The following LRRC59 variants were observed in gnomAD, a reference collection of about 807,000 sequenced individuals.
LRRC59 encodes leucine-rich repeat-containing protein 59.
Under a neutral mutation model 33.5 loss-of-function variants are expected in LRRC59, and 18 were observed. That is an observed-to-expected ratio of 0.54 (90% confidence interval 0.37 to 0.80). The LOEUF (loss-of-function observed/expected upper bound fraction) is 0.80, where lower values mean the gene tolerates loss of function less well. LRRC59 is among the 30% of genes least tolerant of loss of function. LRRC59 has a pLI of 0.00. For missense variants in LRRC59, 330 were observed against 391.9 expected (o/e 0.84, Z 1.33); for synonymous variants, 138 against 160.0 (o/e 0.86, Z 1.04).
chr17:50,388,214 C>T, intron 4 of LRRC59, 82 bp from the exon 5 acceptor site: 1 of 1,283,062 alleles, frequency 7.8e-7, no homozygotes, highest in Non-Finnish European at 1.1e-6. Flanking sequence ...TATTTTCAGG[C>T]TTCCAGATTA....
At chr17:50,389,379 G>A (rs1019362220) in intron 4 of LRRC59, among the ~76,000 whole-genome samples, 7 of 152,088 alleles carry the variant, frequency 4.6e-5, no homozygotes, top group East Asian at 1.9e-4. Flanking sequence ...GGAGCCCAAC[G>A]CAATCCTGAC....
chr17:50,392,935 A>C (rs762252759), intron 2 of LRRC59, 38 bp from the exon 3 acceptor site: 116 of 1,590,106 alleles, frequency 7.3e-5, no homozygotes, highest in Non-Finnish European at 9.6e-5. Flanking sequence ...AGGCTTGTCC[A>C]ACACACGAGC....
chr17:50,392,755 C>A lies in LRRC59; in HGVS notation c.308G>T (p.Ser103Ile). The change falls in exon 3 of 7, where the codon AGC becomes ATC. Residue 103 changes from serine to isoleucine, a missense_variant. Coordinates refer to ENST00000225972, the MANE Select transcript of LRRC59 (RefSeq NM_018509.4). ...AATTGTTACCTTGAGCTGAGCAAAG[C>A]TGACAGGCAAGGTGACCAGCTTGTT... ...LNNKLVTLPV[S>I]FAQLKNLKWL... 1 of 1,614,164 alleles carries A rather than the reference C, an allele frequency of 6.2e-7. No homozygotes were observed. The highest frequency in any genetic ancestry group is 8.5e-7 in the Non-Finnish European group (1 of 1,180,010).
At chr17:50,393,152 G>A (rs958644844) in intron 2 of LRRC59, among the ~76,000 whole-genome samples, 3 of 152,262 alleles carry the variant, frequency 2.0e-5, no homozygotes, top group African/African-American at 7.2e-5. Context: ...CAGTCTGGAA[G>A]CCCTCAAGTC....
chr17:50,390,764 AGAC>A (rs1477965911), intron 4 of LRRC59, among the ~76,000 whole-genome samples: 2 of 152,238 alleles, frequency 1.3e-5, no homozygotes, highest in Non-Finnish European at 2.9e-5. Context: ...TCCTGCAGAC[AGAC>A]GACCTGATTC....
At chr17:50,394,815 G>A in intron 2 of LRRC59, 114 bp downstream of exon 2, 1 of 743,362 alleles carries the variant, frequency 1.3e-6, no homozygotes, top group South Asian at 1.8e-5. Context: ...CTGCCTGTAG[G>A]CCTATCCTGA....
chr17:50,396,427 T>C (rs1264925415), intron 1 of LRRC59: 2 of 152,158 alleles, frequency 1.3e-5, no homozygotes, highest in Non-Finnish European at 2.9e-5. Flanking sequence ...CCGTCCACGG[T>C]GGAAGAAAGA....
Position 50,388,053 on chromosome 17 carries a change from C to G in LRRC59, c.502+7G>C, listed in dbSNP as rs369640916. 13 of 1,614,144 alleles carry G rather than the reference C, an allele frequency of 8.1e-6. No homozygotes were observed. The highest frequency in any genetic ancestry group is 1.1e-5 in the Non-Finnish European group (13 of 1,179,998). ...GAAAGATAACTACAAGAGGGACAGC[C>G]ACCTACCACGTTCTACTTCCAGCCG... On this transcript the variant is annotated splice_region_variant and intron_variant, in intron 5 of 6. Transcript: ENST00000225972.
At chr17:50,392,635 G>A (rs1314667289) in intron 3 of LRRC59, 104 bp downstream of exon 3, 1 of 1,521,946 alleles carries the variant, frequency 6.6e-7, no homozygotes, top group Non-Finnish European at 9.0e-7. Context: ...TCTGAGGCAG[G>A]ACCAACAAGG....
chr17:50,386,063 T>G (rs1334318032), intron 5 of LRRC59: 1 of 150,520 alleles, frequency 6.6e-6, no homozygotes, highest in Non-Finnish European at 1.5e-5. Flanking sequence ...TCAAAGAAAA[T>G]AAAAGAAAAA....
chr17:50,394,090 T>C (rs1169485164), intron 2 of LRRC59, among the ~76,000 whole-genome samples: 2 of 152,216 alleles, frequency 1.3e-5, no homozygotes, highest in Non-Finnish European at 2.9e-5. Flanking sequence ...GACAAGGTAC[T>C]GTGGACGATG....
chr17:50,388,833 A>G (rs932073708), intron 4 of LRRC59, among the ~76,000 whole-genome samples: 1 of 152,010 alleles, frequency 6.6e-6, no homozygotes, highest in Non-Finnish European at 1.5e-5. Context: ...GTCCCCCTCC[A>G]TCTACTCCTG....
At chr17:50,394,815 G>C in intron 2 of LRRC59, 114 bp downstream of exon 2, 1 of 743,364 alleles carries the variant, frequency 1.3e-6, no homozygotes, top group Non-Finnish European at 2.3e-6. Flanking sequence ...CTGCCTGTAG[G>C]CCTATCCTGA....
In LRRC59 at chr17:50,383,109, A is replaced by G. The variant is rs753495143; in HGVS notation, c.803T>C (p.Val268Ala). ...GVAGGLVACR[V>A]TELQQQPLCT... ...GAGGGGCTGCTGCTGCAGCTCTGTCACCCGACAAGCAACCAGCCCTCCCGC... is the reference window on the plus strand; with the variant it reads ...GAGGGGCTGCTGCTGCAGCTCTGTCGCCCGACAAGCAACCAGCCCTCCCGC... The change falls in exon 7 of 7, where the codon GTG becomes GCG. Residue 268 changes from valine to alanine, a missense_variant. Coordinates refer to ENST00000225972, the MANE Select transcript of LRRC59 (RefSeq NM_018509.4). 6.3e-7 allele frequency: 1 copy of G among 1,579,950 alleles called. No homozygotes were observed. Among genetic ancestry groups the G allele is most frequent in the Non-Finnish European group, 8.6e-7 (1 of 1,164,332 alleles).
chr17:50,383,031 T>C lies in LRRC59; in HGVS notation c.881A>G (p.His294Arg), dbSNP rs2143349929. ...YDNAVQGLRR[H>R]EILQWVLQTD... is the part of the protein sequence containing the mutation. ...CTGGAGGACCCACTGGAGGATCTCA[T>C]GGCGGCGTAGACCCTGGACCGCATT... Residue 294 changes from histidine (H) to arginine (R), a missense_variant, in exon 7 of 7, where the codon CAT becomes CGT. By Grantham distance (29) the His-to-Arg change is conservative (BLOSUM62 0). Transcript: ENST00000225972. 1 of 1,612,944 alleles carries C rather than the reference T, an allele frequency of 6.2e-7. No individual in the cohort carries two copies. Among genetic ancestry groups the C allele is most frequent in the Non-Finnish European group, 8.5e-7 (1 of 1,180,028 alleles).
chr17:50,394,509 C>G (rs1215888262), intron 2 of LRRC59, among the ~76,000 whole-genome samples: 1 of 152,212 alleles, frequency 6.6e-6, no homozygotes, highest in African/African-American at 2.4e-5. Flanking sequence ...TGCTCCCCAT[C>G]AAAAGATGCA....
In LRRC59 at chr17:50,392,647, G is replaced by A. The variant is rs1055922598; in HGVS notation, c.324+92C>T. 54 of 1,544,044 alleles carry A rather than the reference G, an allele frequency of 3.5e-5. No homozygotes were observed. In the African/African-American group the frequency reaches 6.7e-4, roughly 19 times the overall value. On this transcript the variant is annotated intron_variant, in intron 3 of 6. Transcript: ENST00000225972. ...CCATCTGAGGCAGGACCAACAAGGG[G>A]GTATTTCTGTCAGCCTTTCTCAGGG...
rs1489524781 is a variant in LRRC59 at position 50,383,019 on chromosome 17, T to C, written c.893A>G (p.Gln298Arg). 2 of 1,612,882 alleles carry C rather than the reference T, an allele frequency of 1.2e-6. No individual in the cohort carries two copies. The highest frequency in any genetic ancestry group is 1.7e-5 in the Admixed American group (1 of 60,008). Residue 298 changes from glutamine (Q) to arginine (R), a missense_variant, in exon 7 of 7, where the codon CAG (glutamine) becomes CGG (arginine). Gln to Arg is a conservative substitution (Grantham distance 43). Coordinates refer to ENST00000225972, the MANE Select transcript of LRRC59 (RefSeq NM_018509.4). ...CTGAGAGTCGGTCTGGAGGACCCACTGGAGGATCTCATGGCGGCGTAGACC... is the reference window on the plus strand; with the variant it reads ...CTGAGAGTCGGTCTGGAGGACCCACCGGAGGATCTCATGGCGGCGTAGACC... The part of the protein sequence containing the change: ...VQGLRRHEIL[Q>R]WVLQTDSQQ
intron 2 of LRRC59, 24 bp from the exon 3 acceptor site, chr17:50,392,921 A>T (rs886430490): frequency 1.2e-6 from 2 of 1,604,392 alleles, no homozygotes; most frequent in African/African-American, 2.7e-5. Flanking sequence ...AGAGAACCTA[A>T]GCTAGGCTTG....
Sources: allele counts gnomAD v4.1 joint callset (sites outside exome capture counted in the v4.1 genomes callset), GRCh38; gene constraint gnomAD v4.1.1; transcripts MANE v1.5; gene names NCBI Gene and HGNC (gene_info 2026-07-23, HGNC 2026-07-21).